NBPF9: variants seen among roughly 807,000 people sequenced by gnomAD.
NBPF9 encodes NBPF member 9, also known as NBPF family member NBPF9.
A neutral mutation model predicts 97.8 loss-of-function variants in NBPF9; 91 were observed. The ratio of observed to expected loss-of-function variants is 0.93; its 90% CI spans 0.79 to 1.11. NBPF9 has a LOEUF of 1.11. NBPF9 is among the 50% of genes least tolerant of loss of function. The pLI is 0.00. For missense variants in NBPF9, 992 were observed against 939.5 expected, an observed-to-expected ratio of 1.06 and a Z score of -0.73; for synonymous variants, 334 against 359.5, an observed-to-expected ratio of 0.93 and a Z score of 0.80.
At chr1:149,094,129 C>A (rs1349510319) in intron 4 of NBPF9, among the ~76,000 whole-genome samples, 16 of 152,116 alleles carry the variant, frequency 1.1e-4, no homozygotes, top group Non-Finnish European at 1.9e-4. Flanking sequence ...AGAAATAACT[C>A]CATCTCCAAA....
chr1:149,103,144 A>C (rs1226380746), intron 1 of NBPF9, among the ~76,000 whole-genome samples, 157 bp downstream of exon 1: 3 of 151,576 alleles, frequency 2.0e-5, no homozygotes, highest in Non-Finnish European at 4.4e-5. Flanking sequence ...CATGGAACTT[A>C]AGCCCCGGCG....
intron 5 of NBPF9, among the ~76,000 whole-genome samples, chr1:149,084,593 G>C (rs1480415861): frequency 2.7e-5 from 4 of 150,718 alleles, no homozygotes; most frequent in Non-Finnish European, 5.9e-5. Context: ...CTGCAGCAAC[G>C]CAACGGCCAG....
At chr1:149,101,923 CTTTTTTTTTTTTT>C in intron 2 of NBPF9, among the ~76,000 whole-genome samples, 1 of 80,676 alleles carries the variant, frequency 1.2e-5, no homozygotes, top group Non-Finnish European at 2.5e-5. Flanking sequence ...ATTACCTGTA[CTTTTTTTTTTTTT>C]TTTTTTTTTG....
chr1:149,064,935 G>C, intron 18 of NBPF9: 1 of 535,178 alleles, frequency 1.9e-6, no homozygotes, highest in Non-Finnish European at 3.3e-6. Context: ...CTACACAGTA[G>C]CATCAGCTAT....
rs782491072 is a variant in NBPF9, at chr1:149,063,622, A to T, written c.2026+11T>A. ...AGTGGATCCTTATCACCTTCATAGA[A>T]AGGTACTCACCATCCATGTCAACAG... On this transcript the variant is annotated intron_variant, in intron 20 of 29. Coordinates refer to ENST00000584027, the Ensembl canonical transcript of NBPF9. 506 of 608,348 alleles carry T rather than the reference A, an allele frequency of 8.3e-4. 6 individuals are homozygous for T. Among genetic ancestry groups the T allele is most frequent in the Middle Eastern group, 3.9e-3 (9 of 2,290 alleles). 37.7% of individuals were successfully genotyped at this position (608,348 alleles called of 1,614,324 possible).
intron 5 of NBPF9, chr1:149,090,276 T>C (rs1446398144): frequency 6.5e-6 from 1 of 154,960 alleles, no homozygotes; most frequent in Non-Finnish European, 1.4e-5. Flanking sequence ...TTTGGAAGCA[T>C]GTATCCTAAG....
At chr1:149,071,206 C>T (rs1486221603) in intron 15 of NBPF9, 67 bp from the exon 16 acceptor site, 3 of 1,128,926 alleles carry the variant, frequency 2.7e-6, no homozygotes, top group Non-Finnish European at 3.9e-6. Context: ...CCAGGGAGTC[C>T]TAGCTGGTTT....
intron 5 of NBPF9, among the ~76,000 whole-genome samples, chr1:149,089,805 C>T (rs1553659662): frequency 6.6e-6 from 1 of 152,300 alleles, no homozygotes; most frequent in Non-Finnish European, 1.5e-5. Flanking sequence ...TAAAGTGCTA[C>T]ATGGCATTGG....
exon 14 of NBPF9, chr1:149,072,804 G>A (rs782202726): frequency 1.5e-4 from 241 of 1,586,758 alleles, no homozygotes; most frequent in Non-Finnish European, 1.9e-4. Flanking sequence ...GGACTTGTCC[G>A]GCTCATCCGG....
At chr1:149,072,638 C>T in intron 14 of NBPF9, 80 bp downstream of exon 14, 1 of 1,524,486 alleles carries the variant, frequency 6.6e-7, no homozygotes. Context: ...ATTGATACAA[C>T]TGTCATTGTG....
At chr1:149,084,952 C>G (rs1207258852) in intron 5 of NBPF9, among the ~76,000 whole-genome samples, 2 of 151,834 alleles carry the variant, frequency 1.3e-5, no homozygotes, top group African/African-American at 4.8e-5. Flanking sequence ...AAGAAGGTAT[C>G]CATGGCAATT....
chr1:149,071,709 C>G (rs3979928), intron 14 of NBPF9, 33 bp from the exon 15 acceptor site: 1 of 1,143,928 alleles, frequency 8.7e-7, no homozygotes, highest in East Asian at 2.7e-5. Flanking sequence ...TCAGATATTT[C>G]CCACTTCACA....
exon 1 of NBPF9, chr1:149,103,374 G>A (rs587755052): frequency 1.3e-5 from 2 of 151,804 alleles, no homozygotes; most frequent in African/African-American, 4.9e-5. Context: ...GCCGCGCCTC[G>A]GCCCGCTCCT....
At position 149,072,886 on chromosome 1, in the gene NBPF9, A is replaced by C. The variant is rs781812550; in HGVS notation, c.1138T>G (p.Leu380Val). The C allele has an allele frequency of 1.0e-5, 16 of 1,606,696 alleles. No homozygotes were observed. In the Admixed American group the frequency reaches 1.5e-4, roughly 15 times the overall value. Reference sequence around the variant, plus strand: ...CTCCCTTCCCGCAACTTCTCCCTTAACTGGGTCAGCTCTCGTTCCTGAGCG... The same window carrying C: ...CTCCCTTCCCGCAACTTCTCCCTTACCTGGGTCAGCTCTCGTTCCTGAGCG... Residue 380 changes from leucine to valine, a missense_variant, in exon 14 of 30, where the codon TTA becomes GTA. Leu to Val is a conservative substitution (Grantham distance 32). Coordinates refer to ENST00000584027, the Ensembl canonical transcript of NBPF9.
intron 5 of NBPF9, among the ~76,000 whole-genome samples, chr1:149,087,482 CAT>C (rs2081107321): frequency 6.7e-6 from 1 of 149,722 alleles, no homozygotes; most frequent in South Asian, 2.1e-4. Flanking sequence ...CAACAAAACA[CAT>C]AATCTTGATT....
At chr1:149,063,065 T>C (rs2078742456) in intron 20 of NBPF9, among the ~76,000 whole-genome samples, 152 bp from the exon 21 acceptor site, 1 of 138,828 alleles carries the variant, frequency 7.2e-6, no homozygotes, top group Admixed American at 7.2e-5. Context: ...TGAAGGCTGA[T>C]CACCATAGAG....
At chr1:149,055,920 A>G (rs1470050124) in intron 29 of NBPF9, 21 bp from the exon 30 acceptor site, 13 of 1,611,744 alleles carry the variant, frequency 8.1e-6, no homozygotes, top group Non-Finnish European at 1.1e-5. Context: ...AGACAAAACT[A>G]AAGAAGCAGC....
At chr1:149,063,870 G>C in intron 19 of NBPF9, 65 bp from the exon 20 acceptor site, 1 of 681,444 alleles carries the variant, frequency 1.5e-6, no homozygotes, top group Non-Finnish European at 2.7e-6. Flanking sequence ...GCCCCAGCTA[G>C]ATTTCATGGC....
In NBPF9 at chr1:149,084,341, TAATA is replaced by T. The variant is rs1367297653; in HGVS notation, c.-194-1915_-194-1912del. Among the ~76,000 whole-genome samples the T allele has an allele frequency of 1.1e-4, 16 of 147,360 alleles. No homozygotes were observed. In the East Asian group the frequency reaches 1.4e-3, roughly 13 times the overall value. ...ATATATACACACACATGAATATATA[TAATA>T]TATATACGTGTATATACATACGTGT... On this transcript the variant is annotated intron_variant, in intron 5 of 29. Coordinates refer to ENST00000584027, the Ensembl canonical transcript of NBPF9.
Sources: gnomAD v4.1 joint callset for allele counts (sites outside exome capture counted in the v4.1 genomes callset) on GRCh38, gnomAD v4.1.1 for gene constraint, MANE v1.5 for transcripts, NCBI Gene and HGNC (gene_info 2026-07-23, HGNC 2026-07-21) for gene names.